NRXN1: variants seen among roughly 807,000 people sequenced by gnomAD.
The protein encoded by NRXN1 is neurexin 1.
In NRXN1, 39 loss-of-function variants were observed where a neutral mutation model predicts 150.9. That is an observed-to-expected ratio of 0.26 (90% CI 0.20 to 0.34). The LOEUF (loss-of-function observed/expected upper bound fraction) is 0.34. Ranked by LOEUF, NRXN1 falls within the 10% of genes least tolerant of loss-of-function variation. NRXN1 has a pLI of 1.00. For missense variants in NRXN1, 1,815 were observed against 1,949.9 expected, an observed-to-expected ratio of 0.93 and a Z score of 1.30; for synonymous variants, 924 against 757.0, an observed-to-expected ratio of 1.22 and a Z score of -3.62.
intron 9 of NRXN1, among the ~76,000 whole-genome samples, chr2:50,546,805 G>A (rs565616330): frequency 6.6e-6 from 1 of 152,212 alleles, no homozygotes; most frequent in African/African-American, 2.4e-5. Flanking sequence ...ATGAATAGTG[G>A]TTTATGGGTG....
intron 5 of NRXN1, among the ~76,000 whole-genome samples, chr2:50,744,904 G>T (rs1319190053): frequency 1.3e-5 from 2 of 152,066 alleles, no homozygotes; most frequent in African/African-American, 4.8e-5. Context: ...ACCACAAAGA[G>T]AAAAAATGAT....
chr2:50,683,255 C>T (rs193242181), intron 5 of NRXN1, among the ~76,000 whole-genome samples: 5 of 152,006 alleles, frequency 3.3e-5, no homozygotes, highest in African/African-American at 1.2e-4. Flanking sequence ...AACTGTTGCT[C>T]TCGCATGGAA....
In NRXN1 at chr2:50,968,847, C is replaced by T. The variant is rs189354237; in HGVS notation, c.773-42892G>A. Among the ~76,000 whole-genome samples, 19 of 152,110 alleles carry T rather than the reference C, an allele frequency of 1.2e-4. No individual in the cohort carries two copies. The East Asian group carries it at 2.1e-3, about 17-fold the overall frequency. On this transcript the variant is annotated intron_variant, in intron 2 of 22. Transcript: ENST00000401669. Reference sequence around the variant, plus strand: ...ACCAGTAATCTCCATTTTGTCAATTCCACTGGTCACTTCTTCGTTCCATGT... The same window carrying T: ...ACCAGTAATCTCCATTTTGTCAATTTCACTGGTCACTTCTTCGTTCCATGT...
intron 2 of NRXN1, among the ~76,000 whole-genome samples, chr2:51,014,746 G>GC (rs1668408197): frequency 6.6e-6 from 1 of 151,946 alleles, no homozygotes; most frequent in South Asian, 2.1e-4. Context: ...ATCTTTCTGG[G>GC]CCTTAATTTT....
rs1252392409 is a variant in NRXN1 at position 50,056,995 on chromosome 2, C to A, written c.3719-1951G>T. ...TCTCAGACACCATCCGAATCTAGGTCGCAAATCCCTCTTGCCCAATTACTA... is the reference window on the plus strand; with the variant it reads ...TCTCAGACACCATCCGAATCTAGGTAGCAAATCCCTCTTGCCCAATTACTA... On this transcript the variant is annotated intron_variant, in intron 19 of 22. Transcript: ENST00000401669. Among the ~76,000 whole-genome samples the A allele has an allele frequency of 3.3e-5, 5 of 152,052 alleles. No individual in the cohort carries two copies. In the South Asian group the frequency reaches 6.2e-4, roughly 19 times the overall value.
At chr2:50,560,749 A>G (rs1276878184) in intron 8 of NRXN1, among the ~76,000 whole-genome samples, 1 of 152,150 alleles carries the variant, frequency 6.6e-6, no homozygotes, top group East Asian at 1.9e-4. Flanking sequence ...TTTTAAAGAG[A>G]CATACGTAAA....
intron 22 of NRXN1, among the ~76,000 whole-genome samples, chr2:49,939,512 A>T (rs1671609407): frequency 6.6e-6 from 1 of 152,156 alleles, no homozygotes; most frequent in Admixed American, 6.6e-5. Flanking sequence ...TCCAATGCTA[A>T]CTGTGCAGGA....
chr2:51,019,036 C>T (rs1669177257), intron 2 of NRXN1, among the ~76,000 whole-genome samples: 2 of 152,074 alleles, frequency 1.3e-5, no homozygotes, highest in African/African-American at 4.8e-5. Flanking sequence ...ATGTAAGAGT[C>T]TGCCACAACC....
intron 22 of NRXN1, chr2:49,926,308 T>C (rs1449034398): frequency 2.0e-5 from 8 of 398,330 alleles, no homozygotes; most frequent in East Asian, 3.6e-5. Flanking sequence ...CACTGAAAAG[T>C]AGTTTTTAAT....
chr2:50,218,525 C>T (rs963213267), intron 18 of NRXN1, among the ~76,000 whole-genome samples: 2 of 145,476 alleles, frequency 1.4e-5, no homozygotes, highest in African/African-American at 2.5e-5. Flanking sequence ...AGAATCTAAA[C>T]GTCTTTGGTA....
At chr2:50,718,272 T>C (rs1408014802) in intron 5 of NRXN1, among the ~76,000 whole-genome samples, 1 of 152,098 alleles carries the variant, frequency 6.6e-6, no homozygotes, top group Non-Finnish European at 1.5e-5. Flanking sequence ...ATCTTGGGCA[T>C]AAGTGCATGA....
At chr2:50,132,662 A>G (rs1156608181) in intron 18 of NRXN1, among the ~76,000 whole-genome samples, 1 of 151,982 alleles carries the variant, frequency 6.6e-6, no homozygotes, top group African/African-American at 2.4e-5. Context: ...GACAGAGACA[A>G]GACTTCTTGG....
At chr2:50,216,058 T>C (rs1172584237) in intron 18 of NRXN1, among the ~76,000 whole-genome samples, 1 of 151,972 alleles carries the variant, frequency 6.6e-6, no homozygotes, top group Non-Finnish European at 1.5e-5. Flanking sequence ...AGAAAAGTTA[T>C]TTTTAAAATA....
chr2:50,040,396 A>G (rs1405428062), intron 21 of NRXN1, among the ~76,000 whole-genome samples: 3 of 151,324 alleles, frequency 2.0e-5, no homozygotes, highest in Non-Finnish European at 2.9e-5. Context: ...ACATACAGAC[A>G]TAATTCACAG....
At chr2:50,343,815 T>G (rs1223776290) in intron 17 of NRXN1, among the ~76,000 whole-genome samples, 2 of 152,352 alleles carry the variant, frequency 1.3e-5, no homozygotes, top group African/African-American at 4.8e-5. Flanking sequence ...TGAATTTTTA[T>G]TTTACACATT....
At chr2:50,814,048 T>C (rs1414094784) in intron 5 of NRXN1, among the ~76,000 whole-genome samples, 2 of 152,178 alleles carry the variant, frequency 1.3e-5, no homozygotes, top group Non-Finnish European at 2.9e-5. Context: ...TTGTGGAAAT[T>C]TAATTTGCCT....
intron 5 of NRXN1, among the ~76,000 whole-genome samples, chr2:50,733,761 C>G (rs1390870818): frequency 6.6e-6 from 1 of 151,984 alleles, no homozygotes; most frequent in African/African-American, 2.4e-5. Context: ...AGGTTAAAAG[C>G]AATCAATTTT....
chr2:50,600,315 G>A (rs1461026670), intron 8 of NRXN1, among the ~76,000 whole-genome samples: 8 of 145,630 alleles, frequency 5.5e-5, no homozygotes, highest in African/African-American at 2.0e-4. Context: ...AAGTAGTTAA[G>A]ACTAGCTTTT....
rs770409739 is a variant in NRXN1, at chr2:50,185,483, G to A, written c.3546+51306C>T. 2.0e-5 allele frequency: 3 copies of A among 152,026 alleles called. No homozygotes were observed. The East Asian group carries it at 5.8e-4, about 29-fold the overall frequency. The allele number at this position is 152,026 out of a possible 1,614,324, so 9.4% of individuals were successfully genotyped here. A position where few individuals can be genotyped will look rare whatever the true frequency, so the allele number is the denominator to read the frequency against. ...ATTACACTTCCCCACTTCTTCCTAA[G>A]TGGGGCCATGTCATTAGTTTTCACC... On this transcript the variant is annotated intron_variant, in intron 18 of 22. Transcript: ENST00000401669.
Sources: allele counts gnomAD v4.1 joint callset (sites outside exome capture counted in the v4.1 genomes callset), GRCh38; gene constraint gnomAD v4.1.1; transcripts MANE v1.5; gene names NCBI Gene and HGNC (gene_info 2026-07-23, HGNC 2026-07-21).